IL23R: variants seen among roughly 807,000 people sequenced by gnomAD.
The protein encoded by IL23R is interleukin 23 receptor.
A neutral mutation model predicts 56.9 loss-of-function variants in IL23R; 34 were observed. The ratio of observed to expected loss-of-function variants is 0.60; its 90% CI spans 0.45 to 0.80. The LOEUF is 0.80. Among genes scored for constraint, IL23R ranks in the 30% least tolerant of loss-of-function variants. The probability of loss-of-function intolerance (pLI) is 0.00; values close to 1 mark genes in which losing one functional copy is unlikely to be tolerated. For synonymous variants in IL23R, 230 were observed against 249.2 expected, an observed-to-expected ratio of 0.92 and a Z score of 0.73; for missense variants, 635 against 730.0, an observed-to-expected ratio of 0.87 and a Z score of 1.50.
intron 9 of IL23R, among the ~76,000 whole-genome samples, chr1:67,241,888 AT>A (rs921637548): frequency 9.9e-5 from 15 of 152,146 alleles, no homozygotes; most frequent in Non-Finnish European, 1.9e-4. Context: ...CACTTAAGTG[AT>A]TTTTTTCATT....
At position 67,219,539 on chromosome 1, in the gene IL23R, C is replaced by T. The variant is rs1373709001; in HGVS notation, c.799-35C>T. Reference sequence around the variant, plus strand: ...AAATAAAATAGTTGTTTTAAAAGCACACCACATTTTATTATTGTTACCCAT... The same window carrying T: ...AAATAAAATAGTTGTTTTAAAAGCATACCACATTTTATTATTGTTACCCAT... On this transcript the variant is annotated intron_variant, in intron 6 of 10. Coordinates refer to ENST00000347310, the MANE Select transcript of IL23R (RefSeq NM_144701.3). 2.5e-6 allele frequency: 4 copies of T among 1,598,170 alleles called. No homozygotes were observed. The African/African-American group carries it at 4.0e-5, about 16-fold the overall frequency.
At chr1:67,166,636 A>C (rs149752693) in intron 1 of IL23R, 95 bp downstream of exon 1, 7 of 152,484 alleles carry the variant, frequency 4.6e-5, no homozygotes, top group African/African-American at 1.7e-4. Flanking sequence ...AGTTCTCATG[A>C]TATTCCATGC....
At chr1:67,161,609 C>CTATA (rs143977358), upstream of IL23R, among the ~76,000 whole-genome samples, 1,131 of 149,178 alleles carry the variant, frequency 7.6e-3, 5 homozygotes, top group African/African-American at 9.2e-3. Flanking sequence ...AATTAAAATA[C>CTATA]TATATATATA....
upstream of IL23R, among the ~76,000 whole-genome samples, chr1:67,164,335 C>G (rs1307014436): frequency 6.6e-6 from 1 of 151,860 alleles, no homozygotes; most frequent in African/African-American, 2.4e-5. Context: ...ATCTCTACAA[C>G]AAATACAAAA....
chr1:67,224,007 A>G (rs912652728), intron 7 of IL23R, among the ~76,000 whole-genome samples: 4 of 152,104 alleles, frequency 2.6e-5, no homozygotes. Context: ...CTTTTTAAAA[A>G]GGGACCTATG....
At chr1:67,194,419 A>G (rs1440593027) in intron 4 of IL23R, among the ~76,000 whole-genome samples, 1 of 152,146 alleles carries the variant, frequency 6.6e-6, no homozygotes, top group Non-Finnish European at 1.5e-5. Flanking sequence ...GGAGATTCCA[A>G]GGGTTTTAGG....
Position 67,238,709 on chromosome 1 carries a change from C to T in IL23R, c.1046-1470C>T, listed in dbSNP as rs113661586. 2.3e-3 allele frequency among the ~76,000 whole-genome samples: 351 copies of T among 152,284 alleles called. 1 individual carries two copies. Among genetic ancestry groups the T allele is most frequent in the Non-Finnish European group, 4.3e-3 (295 of 68,020 alleles). On this transcript the variant is annotated intron_variant, in intron 8 of 10. Transcript: ENST00000347310. ...TGCTCTACTGCTTAGACCCCTTTGC[C>T]GAGCACTGTGTTGACCTGAGGGCTG...
downstream of IL23R, among the ~76,000 whole-genome samples, chr1:67,262,752 C>T (rs948784588): frequency 3.3e-5 from 5 of 151,980 alleles, no homozygotes; most frequent in Admixed American, 2.0e-4. Context: ...TCTTTTAAGT[C>T]GCTGATTCCT....
intron 9 of IL23R, among the ~76,000 whole-genome samples, chr1:67,243,521 C>T (rs1346330123): frequency 3.3e-5 from 5 of 152,020 alleles, no homozygotes; most frequent in Non-Finnish European, 7.4e-5. Context: ...CGTGTGTTCT[C>T]ATTGTTCAGC....
chr1:67,237,556 A>G (rs1044231386), intron 8 of IL23R, among the ~76,000 whole-genome samples: 2 of 152,214 alleles, frequency 1.3e-5, no homozygotes, highest in African/African-American at 2.4e-5. Flanking sequence ...TAAGTGACAG[A>G]CTAAAATTCA....
Position 67,147,913 on chromosome 1 carries a change from C to T in IL23R, c.-634+8752C>T, listed in dbSNP as rs376351430. On this transcript the variant is annotated intron_variant, in intron 1 of 10. Coordinates refer to the IL23R transcript ENST00000637002. ...TTAGAGCTCCCAAGATGGGGTAAGC[C>T]GCTTCCAAGATGGTGGCAAGCCTTT... Among the ~76,000 whole-genome samples, 10 of 152,178 alleles carry T rather than the reference C, an allele frequency of 6.6e-5. No individual in the cohort carries two copies. In the South Asian group the frequency reaches 1.5e-3, roughly 22 times the overall value.
chr1:67,195,624 G>C (rs61780311), intron 4 of IL23R, among the ~76,000 whole-genome samples: 3,576 of 152,086 alleles, frequency 0.024, 57 homozygotes, highest in Middle Eastern at 0.041. Flanking sequence ...TGTTCATAGT[G>C]ATCTCACGCT....
At chr1:67,256,660 G>C (rs115836015) in intron 10 of IL23R, among the ~76,000 whole-genome samples, 39 of 152,304 alleles carry the variant, frequency 2.6e-4, no homozygotes, top group African/African-American at 9.4e-4. Flanking sequence ...TGTGATGGGA[G>C]TGGAAAGGAA....
At position 67,141,998 on chromosome 1, in the gene IL23R, G is replaced by T. The variant is rs951595895; in HGVS notation, c.-634+2837G>T. Among the ~76,000 whole-genome samples, 181 of 152,144 alleles carry T rather than the reference G, an allele frequency of 1.2e-3. 1 individual carries two copies. The highest frequency in any genetic ancestry group is 2.9e-5 in the Non-Finnish European group (2 of 68,018). ...TTTCTTACTTTTTAAGGAACAACATGTTTTATGACTTGAGATTATCTGTTT... is the reference window on the plus strand; with the variant it reads ...TTTCTTACTTTTTAAGGAACAACATTTTTTATGACTTGAGATTATCTGTTT... On this transcript the variant is annotated intron_variant, in intron 1 of 10. Transcript: ENST00000637002.
chr1:67,168,299 T>A, intron 2 of IL23R, 109 bp downstream of exon 2: 1 of 888,626 alleles, frequency 1.1e-6, no homozygotes, highest in East Asian at 2.5e-5. Context: ...ACAAATATTA[T>A]TAGACTAGAA....
chr1:67,215,986 T>G (rs7517847), intron 6 of IL23R, among the ~76,000 whole-genome samples: 56,827 of 152,046 alleles, frequency 0.37, 11,698 homozygotes, highest in Admixed American at 0.53. Context: ...TCCCAAGGCC[T>G]CAGCTACACC....
chr1:67,155,116 C>T lies in IL23R; in HGVS notation c.-633-12976C>T, dbSNP rs1175529525. On this transcript the variant is annotated intron_variant, in intron 1 of 10. Coordinates refer to the IL23R transcript ENST00000637002. Reference sequence around the variant, plus strand: ...TTTCTATAAGAATGTTGAATACTGGCCCCCACTCTCTTCTGGCTTGTAGAG... The same window carrying T: ...TTTCTATAAGAATGTTGAATACTGGTCCCCACTCTCTTCTGGCTTGTAGAG... 2.0e-5 allele frequency among the ~76,000 whole-genome samples: 3 copies of T among 152,280 alleles called. No individual in the cohort carries two copies. The East Asian group carries it at 5.8e-4, about 29-fold the overall frequency.
At chr1:67,233,817 C>T (rs1651271195) in intron 7 of IL23R, among the ~76,000 whole-genome samples, 1 of 150,534 alleles carries the variant, frequency 6.6e-6, no homozygotes, top group South Asian at 2.1e-4. Flanking sequence ...ATGGACGTAA[C>T]ACCACAAACA....
chr1:67,227,777 CA>C (rs1343434413), intron 7 of IL23R, among the ~76,000 whole-genome samples: 1 of 152,302 alleles, frequency 6.6e-6, no homozygotes, highest in East Asian at 1.9e-4. Flanking sequence ...GTTAAACAGA[CA>C]CGGTGTTTCT....
Sources: allele counts gnomAD v4.1 joint callset (sites outside exome capture counted in the v4.1 genomes callset), GRCh38; gene constraint gnomAD v4.1.1; transcripts MANE v1.5; gene names NCBI Gene and HGNC (gene_info 2026-07-23, HGNC 2026-07-21).